SAMMSON: variants seen among roughly 807,000 people sequenced by gnomAD.
SAMMSON encodes the protein survival associated mitochondrial melanoma specific oncogenic non-coding RNA.
intron 4 of SAMMSON, among the ~76,000 whole-genome samples, chr3:70,241,229 A>T (rs1701665490): frequency 6.6e-6 from 1 of 151,848 alleles, no homozygotes; most frequent in African/African-American, 2.4e-5. Context: ...CTACTTTAAA[A>T]CTCCACTCTT....
chr3:70,399,560 G>A (rs897107793), intron 2 of SAMMSON, among the ~76,000 whole-genome samples: 5 of 152,052 alleles, frequency 3.3e-5, no homozygotes, highest in African/African-American at 1.2e-4. Context: ...TTCATAAAAT[G>A]ATTACATAAA....
At chr3:70,085,333 C>G (rs1233774729) in intron 4 of SAMMSON, among the ~76,000 whole-genome samples, 1 of 152,196 alleles carries the variant, frequency 6.6e-6, no homozygotes, top group Non-Finnish European at 1.5e-5. Flanking sequence ...CTGGGTTCCC[C>G]CTTTTTCATT....
chr3:70,139,126 C>T (rs749349507), intron 4 of SAMMSON, among the ~76,000 whole-genome samples: 1 of 152,150 alleles, frequency 6.6e-6, no homozygotes, highest in Admixed American at 6.6e-5. Context: ...CAAATCTATA[C>T]TGGATATTAG....
chr3:70,173,543 C>T (rs1050469982), intron 4 of SAMMSON, among the ~76,000 whole-genome samples: 3 of 151,942 alleles, frequency 2.0e-5, no homozygotes, highest in Admixed American at 6.6e-5. Flanking sequence ...ATCTTTACCT[C>T]ATCTGCCCTC....
At chr3:70,263,810 T>C (rs1320352618) in intron 6 of SAMMSON, among the ~76,000 whole-genome samples, 4 of 152,160 alleles carry the variant, frequency 2.6e-5, no homozygotes, top group Non-Finnish European at 1.5e-5. Flanking sequence ...CGTTGCTATA[T>C]CACAGTCCAG....
At chr3:70,108,036 TTAA>T (rs1355813322) in intron 4 of SAMMSON, among the ~76,000 whole-genome samples, 1 of 152,172 alleles carries the variant, frequency 6.6e-6, no homozygotes, top group Non-Finnish European at 1.5e-5. Flanking sequence ...TACACAGTAA[TTAA>T]TAATAATCTA....
chr3:70,177,734 C>G (rs1190755987), intron 4 of SAMMSON, among the ~76,000 whole-genome samples: 1 of 152,104 alleles, frequency 6.6e-6, no homozygotes, highest in Admixed American at 6.5e-5. Flanking sequence ...CATTATTATT[C>G]CCATTTTACA....
chr3:70,245,194 C>A (rs567271539), intron 4 of SAMMSON, among the ~76,000 whole-genome samples: 3 of 151,748 alleles, frequency 2.0e-5, no homozygotes, highest in Non-Finnish European at 4.4e-5. Flanking sequence ...TTTCTCTTGG[C>A]GTTAAGTCTG....
chr3:70,185,977 A>C (rs1322147072), intron 4 of SAMMSON, among the ~76,000 whole-genome samples: 1 of 152,048 alleles, frequency 6.6e-6, no homozygotes, highest in African/African-American at 2.4e-5. Context: ...ACCTTGTCTC[A>C]AAAAAACCCA....
intron 4 of SAMMSON, among the ~76,000 whole-genome samples, chr3:70,240,808 A>C (rs896684421): frequency 1.3e-5 from 2 of 152,172 alleles, no homozygotes; most frequent in Admixed American, 6.6e-5. Context: ...CATCACTGTA[A>C]TTTAATAATT....
At chr3:70,156,804 C>T (rs1332433888) in intron 4 of SAMMSON, among the ~76,000 whole-genome samples, 1 of 152,016 alleles carries the variant, frequency 6.6e-6, no homozygotes, top group Admixed American at 6.6e-5. Context: ...CATCCTTCTA[C>T]TTTAAGAAAC....
At chr3:70,003,836 A>G (rs185872357) in intron 1 of SAMMSON, among the ~76,000 whole-genome samples, 2 of 152,138 alleles carry the variant, frequency 1.3e-5, no homozygotes, top group East Asian at 1.9e-4. Context: ...AAATTCTTCT[A>G]GTCTTTTAGA....
intron 7 of SAMMSON, among the ~76,000 whole-genome samples, chr3:70,352,787 A>T (rs1338828931): frequency 6.6e-6 from 1 of 152,104 alleles, no homozygotes; most frequent in Non-Finnish European, 1.5e-5. Context: ...AAAAAGGAGG[A>T]TAACTAAGAC....
chr3:70,231,572 T>C (rs1190289157), intron 4 of SAMMSON, among the ~76,000 whole-genome samples: 2 of 152,282 alleles, frequency 1.3e-5, no homozygotes, highest in East Asian at 3.9e-4. Context: ...TGATTACCCC[T>C]TAATGGGCTT....
Position 70,409,652 on chromosome 3 carries a change from C to G in SAMMSON, n.233+51328C>G, listed in dbSNP as rs555610807. Among the ~76,000 whole-genome samples, 511 of 152,192 alleles carry G rather than the reference C, an allele frequency of 3.4e-3. 4 individuals are homozygous for G. The highest frequency in any genetic ancestry group is 0.01 in the African/African-American group (432 of 41,536). Reference sequence around the variant, plus strand: ...AGAGGTGGTCTGCGTCATCAAGGCTCTTTGGAACCAAAGATCAAATTAAGG... The same window carrying G: ...AGAGGTGGTCTGCGTCATCAAGGCTGTTTGGAACCAAAGATCAAATTAAGG... On this transcript the variant is annotated intron_variant and non_coding_transcript_variant, in intron 2 of 3. Transcript: ENST00000641053.
At chr3:70,251,906 T>C (rs1701772772) in intron 6 of SAMMSON, among the ~76,000 whole-genome samples, 1 of 152,216 alleles carries the variant, frequency 6.6e-6, no homozygotes, top group Non-Finnish European at 1.5e-5. Flanking sequence ...TTGGGATGTC[T>C]TGTTACACTG....
chr3:70,107,685 A>G (rs1255256108), intron 4 of SAMMSON, among the ~76,000 whole-genome samples: 1 of 151,950 alleles, frequency 6.6e-6, no homozygotes, highest in Non-Finnish European at 1.5e-5. Context: ...AGTCTATAAA[A>G]GAGATCATAA....
At chr3:70,294,272 T>G (rs543836255) in intron 7 of SAMMSON, among the ~76,000 whole-genome samples, 3,024 of 152,264 alleles carry the variant, frequency 0.02, 35 homozygotes, top group Non-Finnish European at 0.03. Flanking sequence ...TATAAAACAT[T>G]TTCTTTTTTG....
intron 4 of SAMMSON, among the ~76,000 whole-genome samples, chr3:70,108,915 A>G (rs753449211): frequency 6.6e-6 from 1 of 152,136 alleles, no homozygotes; most frequent in Non-Finnish European, 1.5e-5. Flanking sequence ...ACTGAATAAT[A>G]TACCACAGAT....
Sources: allele counts gnomAD v4.1 joint callset (sites outside exome capture counted in the v4.1 genomes callset), GRCh38; gene constraint gnomAD v4.1.1; transcripts MANE v1.5; gene names NCBI Gene and HGNC (gene_info 2026-07-23, HGNC 2026-07-21).